ARHGEF10: variants seen among roughly 807,000 people sequenced by gnomAD.
The protein encoded by ARHGEF10 is Rho guanine nucleotide exchange factor 10, also known as Rho guanine nucleotide exchange factor (GEF) 10.
In ARHGEF10, 140 loss-of-function variants were observed where a neutral mutation model predicts 147.4. That is an observed-to-expected ratio of 0.95 (90% CI 0.83 to 1.09). The LOEUF (loss-of-function observed/expected upper bound fraction) is 1.09, where lower values mean the gene tolerates loss of function less well. Among genes scored for constraint, ARHGEF10 ranks in the 50% least tolerant of loss-of-function variants. The probability of loss-of-function intolerance (pLI) is 0.00; values close to 1 mark genes in which losing one functional copy is unlikely to be tolerated. For missense variants in ARHGEF10, 2,222 were observed against 1,752.7 expected, an observed-to-expected ratio of 1.27 and a Z score of -4.78; for synonymous variants, 902 against 695.8, an observed-to-expected ratio of 1.30 and a Z score of -4.67.
chr8:1,866,228 C>T (rs530540701), intron 5 of ARHGEF10, among the ~76,000 whole-genome samples: 33 of 152,304 alleles, frequency 2.2e-4, no homozygotes, highest in African/African-American at 7.2e-4. Context: ...AACCAGAAGA[C>T]AGTTCAGGCC....
chr8:1,942,780 C>T (rs978537783), intron 26 of ARHGEF10, among the ~76,000 whole-genome samples: 4 of 152,164 alleles, frequency 2.6e-5, no homozygotes, highest in Non-Finnish European at 4.4e-5. Context: ...CCCCAACTCA[C>T]GTCACGTGGA....
At chr8:1,931,447 C>G (rs1262752136) in intron 25 of ARHGEF10, among the ~76,000 whole-genome samples, 2 of 152,248 alleles carry the variant, frequency 1.3e-5, no homozygotes, top group Non-Finnish European at 2.9e-5. Context: ...GAGCCCCGTG[C>G]AGGGCTGTGT....
Position 1,945,552 on chromosome 8 carries a change from G to C in ARHGEF10, c.3294G>C (p.Trp1098Cys), listed in dbSNP as rs752269994. ...SHMAVSGVGI[W>C]IAFTSGSTLR... ...TGGCCGTGTCCGGCGTCGGGATCTG[G>C]ATTGCCTTCACCTCAGGGTCCACGC... Residue 1098 changes from tryptophan to cysteine, a missense_variant, in exon 27 of 29, where the codon TGG becomes TGC. By Grantham distance (215) the Trp-to-Cys change is radical (BLOSUM62 -2). Coordinates refer to ENST00000349830, the MANE Select transcript of ARHGEF10 (RefSeq NM_014629.4). 1 of 1,614,232 alleles carries C rather than the reference G, an allele frequency of 6.2e-7. No homozygotes were observed. The highest frequency in any genetic ancestry group is 1.1e-5 in the South Asian group (1 of 91,084).
chr8:1,824,039 A>ACGGCGGGGAACG lies in ARHGEF10; in HGVS notation c.-122_-121insCGGCGGGGAACG, dbSNP rs1802583717. On this transcript the variant is annotated 5_prime_UTR_variant, in exon 1 of 29. Transcript: ENST00000349830. ...GGAACGGCGGGGGACGGCGGGGAAC[A>ACGGCGGGGAACG]GCGGGGGACGGCGGGGAACAGCGGG... 2.4e-3 allele frequency: 80 copies of ACGGCGGGGAACG among 33,106 alleles called. No individual in the cohort carries two copies. The Admixed American group carries it at 0.026, about 11-fold the overall frequency. The allele number at this position is 33,106 out of a possible 1,614,324, so 2.1% of individuals were successfully genotyped here.
At chr8:1,906,275 C>T (rs1280048564) in intron 17 of ARHGEF10, among the ~76,000 whole-genome samples, 2 of 152,166 alleles carry the variant, frequency 1.3e-5, no homozygotes, top group Admixed American at 1.3e-4. Context: ...TTAACTATAA[C>T]ACTCCTGGTG....
At chr8:1,837,613 G>A (rs942228777) in intron 1 of ARHGEF10, among the ~76,000 whole-genome samples, 2 of 152,214 alleles carry the variant, frequency 1.3e-5, no homozygotes, top group East Asian at 1.9e-4. Flanking sequence ...GCGTGCTGGT[G>A]TTGTGTTCAT....
At chr8:1,943,376 C>T (rs1420778383) in intron 26 of ARHGEF10, among the ~76,000 whole-genome samples, 1 of 152,160 alleles carries the variant, frequency 6.6e-6, no homozygotes, top group African/African-American at 2.4e-5. Flanking sequence ...ATTCAGGGAG[C>T]TCTGCAGGTT....
At chr8:1,905,500 G>T in intron 16 of ARHGEF10, 71 bp from the exon 17 acceptor site, 2 of 1,597,674 alleles carry the variant, frequency 1.3e-6, no homozygotes, top group Non-Finnish European at 1.7e-6. Flanking sequence ...CTCCATACCA[G>T]ACTTCTCCTC....
intron 1 of ARHGEF10, among the ~76,000 whole-genome samples, chr8:1,828,612 G>T (rs540030779): frequency 8.4e-6 from 1 of 119,596 alleles, no homozygotes. Context: ...ATTACATTTT[G>T]ATAAACCGTG....
intron 7 of ARHGEF10, chr8:1,870,202 G>C (rs1020875845): frequency 6.6e-6 from 1 of 150,584 alleles, no homozygotes; most frequent in African/African-American, 2.5e-5. Context: ...TTCTGAAGTC[G>C]GCATTTTTCA....
At chr8:1,862,821 C>T (rs1161825689) in intron 4 of ARHGEF10, among the ~76,000 whole-genome samples, 3 of 142,854 alleles carry the variant, frequency 2.1e-5, no homozygotes, top group African/African-American at 5.3e-5. Context: ...CTCTGTCGCT[C>T]AGGCTGGAGT....
intron 1 of ARHGEF10, chr8:1,826,135 A>T: frequency 6.3e-7 from 1 of 1,593,592 alleles, no homozygotes. Flanking sequence ...ATTTCTCAGC[A>T]GTAAGAAAAG....
Position 1,858,081 on chromosome 8 carries a change from A to C in ARHGEF10, c.159A>C (p.Gly53=). The part of the protein sequence containing the change: ...DRQAPSAPET[G]GAGASEAPAP... ...AGGCCCCATCCGCCCCTGAGACAGG[A>C]GGTGCTGGAGCCAGTGAAGCCCCTG... Residue 53 remains glycine (G), a synonymous_variant, in exon 3 of 29, where the codon GGA becomes GGC. Transcript: ENST00000349830. The C allele has an allele frequency of 6.2e-7, 1 of 1,609,680 alleles. No individual in the cohort carries two copies.
At chr8:1,843,301 G>A in intron 1 of ARHGEF10, 52 bp from the exon 2 acceptor site, 1 of 1,432,766 alleles carries the variant, frequency 7.0e-7, no homozygotes, top group Non-Finnish European at 9.7e-7. Flanking sequence ...CACCTATTGA[G>A]TGCATGTTTA....
intron 17 of ARHGEF10, 132 bp downstream of exon 17, chr8:1,905,848 A>T: frequency 3.6e-6 from 4 of 1,122,496 alleles, no homozygotes; most frequent in South Asian, 1.3e-5. Context: ...CTGTCCTGTG[A>T]CTAAGGGAAC....
At chr8:1,898,671 A>G in intron 15 of ARHGEF10, 146 bp downstream of exon 15, 1 of 886,546 alleles carries the variant, frequency 1.1e-6, no homozygotes. Flanking sequence ...GGTGGAGGGT[A>G]GAGGCAGGTG....
intron 28 of ARHGEF10, among the ~76,000 whole-genome samples, 176 bp downstream of exon 28, chr8:1,953,003 A>AT (rs1815180225): frequency 6.6e-6 from 1 of 152,164 alleles, no homozygotes; most frequent in African/African-American, 2.4e-5. Flanking sequence ...CAATTTATAT[A>AT]TTTTTCCATT....
chr8:1,915,680 A>T (rs1811707970), intron 18 of ARHGEF10, among the ~76,000 whole-genome samples: 1 of 152,248 alleles, frequency 6.6e-6, no homozygotes. Context: ...TACCTCAGGG[A>T]CAAACACTGG....
intron 9 of ARHGEF10, among the ~76,000 whole-genome samples, chr8:1,881,074 C>G (rs998229218): frequency 2.0e-5 from 3 of 152,070 alleles, no homozygotes; most frequent in Admixed American, 6.6e-5. Context: ...GGTGTGTGAG[C>G]TACATTTGGA....
Sources: gnomAD v4.1 joint callset for allele counts (sites outside exome capture counted in the v4.1 genomes callset) on GRCh38, gnomAD v4.1.1 for gene constraint, MANE v1.5 for transcripts, NCBI Gene and HGNC (gene_info 2026-07-23, HGNC 2026-07-21) for gene names.